Variants in ARHGAP32 observed in about 807,000 individuals in gnomAD.
ARHGAP32 encodes Rho GTPase activating protein 32.
In ARHGAP32, 51 loss-of-function variants were observed where a neutral mutation model predicts 186.5. That is an observed-to-expected ratio of 0.27 (90% CI 0.22 to 0.35). The LOEUF (loss-of-function observed/expected upper bound fraction) is 0.35. Among genes scored for constraint, ARHGAP32 ranks in the 10% least tolerant of loss-of-function variants. ARHGAP32 has a pLI of 1.00. For missense variants in ARHGAP32, 2,186 were observed against 2,623.5 expected, an observed-to-expected ratio of 0.83 and a Z score of 3.64; for synonymous variants, 950 against 964.3, an observed-to-expected ratio of 0.99 and a Z score of 0.27.
At chr11:129,016,573 C>A (rs1357776203) in intron 11 of ARHGAP32, among the ~76,000 whole-genome samples, 1 of 152,246 alleles carries the variant, frequency 6.6e-6, no homozygotes, top group East Asian at 1.9e-4. Flanking sequence ...GCATGTAAGA[C>A]GTCTGTTTCT....
At chr11:129,209,219 T>C (rs1944550328) in intron 1 of ARHGAP32, among the ~76,000 whole-genome samples, 1 of 152,152 alleles carries the variant, frequency 6.6e-6, no homozygotes. Flanking sequence ...AAATTATCTT[T>C]GAAAGTGTCA....
chr11:128,991,939 T>G (rs1946066826), intron 12 of ARHGAP32, among the ~76,000 whole-genome samples: 1 of 152,120 alleles, frequency 6.6e-6, no homozygotes, highest in South Asian at 2.1e-4. Context: ...GCTCACTCAC[T>G]CATCAATCAT....
chr11:129,058,230 C>G (rs1327444750), intron 10 of ARHGAP32, among the ~76,000 whole-genome samples: 2 of 137,704 alleles, frequency 1.5e-5, no homozygotes, highest in Non-Finnish European at 3.3e-5. Flanking sequence ...CACTCTCTCT[C>G]TCTCTCTCTA....
At chr11:129,091,662 G>A (rs1200834826) in intron 6 of ARHGAP32, among the ~76,000 whole-genome samples, 1 of 152,110 alleles carries the variant, frequency 6.6e-6, no homozygotes, top group African/African-American at 2.4e-5. Context: ...TTACATCAGT[G>A]TATAATGGTG....
At chr11:129,211,938 T>C (rs1944586888) in intron 1 of ARHGAP32, among the ~76,000 whole-genome samples, 2 of 152,078 alleles carry the variant, frequency 1.3e-5, no homozygotes, top group Non-Finnish European at 2.9e-5. Context: ...GAAGATCACT[T>C]GAGTCCAGGA....
At chr11:129,036,234 G>A (rs1007967243) in intron 11 of ARHGAP32, among the ~76,000 whole-genome samples, 1 of 151,930 alleles carries the variant, frequency 6.6e-6, no homozygotes, top group African/African-American at 2.4e-5. Flanking sequence ...CAAAAAGTTA[G>A]CCGGGCATGG....
chr11:129,165,576 T>C (rs1309152410), intron 1 of ARHGAP32, among the ~76,000 whole-genome samples: 1 of 147,476 alleles, frequency 6.8e-6, no homozygotes, highest in Non-Finnish European at 1.5e-5. Flanking sequence ...GTAAATATTA[T>C]GAGGCATGCT....
At chr11:128,993,147 T>G (rs1172093516) in intron 12 of ARHGAP32, 1 of 152,204 alleles carries the variant, frequency 6.6e-6, no homozygotes, top group African/African-American at 2.4e-5. Flanking sequence ...GAAAGTATAA[T>G]AAGATAATCT....
chr11:129,182,044 A>T (rs972434830), intron 1 of ARHGAP32, among the ~76,000 whole-genome samples: 6 of 152,114 alleles, frequency 3.9e-5, no homozygotes, highest in African/African-American at 1.4e-4. Context: ...ATTGTTGTAT[A>T]CCTTGTTTTC....
At chr11:129,236,853 T>C (rs1944943572) in intron 1 of ARHGAP32, among the ~76,000 whole-genome samples, 1 of 152,210 alleles carries the variant, frequency 6.6e-6, no homozygotes, top group Non-Finnish European at 1.5e-5. Flanking sequence ...GCTTTCAACA[T>C]TTCCCCATTC....
At chr11:129,110,963 G>A (rs552684309) in intron 5 of ARHGAP32, among the ~76,000 whole-genome samples, 10 of 152,066 alleles carry the variant, frequency 6.6e-5, no homozygotes, top group South Asian at 2.1e-4. Context: ...CCAATACTAC[G>A]TTGAACAGGA....
chr11:129,073,045 G>A (rs1302045135), intron 6 of ARHGAP32, among the ~76,000 whole-genome samples: 5 of 152,122 alleles, frequency 3.3e-5, no homozygotes, highest in South Asian at 4.1e-4. Flanking sequence ...TGAGATTCAC[G>A]TGTGAAGTTC....
At chr11:129,107,589 C>T (rs1443332555) in intron 5 of ARHGAP32, among the ~76,000 whole-genome samples, 1 of 152,176 alleles carries the variant, frequency 6.6e-6, no homozygotes, top group African/African-American at 2.4e-5. Context: ...AGATTTTGGG[C>T]CGGACGTGGT....
intron 10 of ARHGAP32, among the ~76,000 whole-genome samples, chr11:129,045,581 T>C (rs534749420): frequency 6.6e-6 from 1 of 152,346 alleles, no homozygotes; most frequent in Non-Finnish European, 1.5e-5. Context: ...ACACTTATAC[T>C]TTTCTAATGA....
Position 129,123,552 on chromosome 11 carries a change from A to G in ARHGAP32, c.360-22T>C, listed in dbSNP as rs751698847. Reference sequence around the variant, plus strand: ...TAACCTGAAACACATGAAATAAATAAGAAACGAGATAGTGAAACAGTAAAA... The same window carrying G: ...TAACCTGAAACACATGAAATAAATAGGAAACGAGATAGTGAAACAGTAAAA... On this transcript the variant is annotated intron_variant, in intron 4 of 22. Transcript: ENST00000682385. This position sits in a 1 kb window ranked among gnomAD's most constrained non-coding sequence, Gnocchi z 4.6. 6.9e-6 allele frequency: 11 copies of G among 1,596,220 alleles called. No homozygotes were observed. The Middle Eastern group carries it at 1.0e-3, about 145-fold the overall frequency.
chr11:129,193,702 AATATATATTATATATTATATATT>A (rs1324814528), upstream of ARHGAP32, among the ~76,000 whole-genome samples: 2 of 33,188 alleles, frequency 6.0e-5, 1 homozygote, highest in Non-Finnish European at 1.2e-4. Context: ...TATAATATAT[AATATATATTATATATTATATATT>A]ATATATAATA....
chr11:129,156,570 G>A (rs1048886227), intron 2 of ARHGAP32, among the ~76,000 whole-genome samples: 1 of 152,178 alleles, frequency 6.6e-6, no homozygotes, highest in Non-Finnish European at 1.5e-5. Context: ...AAAGGCAGCA[G>A]CCCCAGTCAG....
chr11:129,208,503 A>C (rs1223264690), intron 1 of ARHGAP32, among the ~76,000 whole-genome samples: 1 of 152,184 alleles, frequency 6.6e-6, no homozygotes, highest in Non-Finnish European at 1.5e-5. Flanking sequence ...CAGATCAAAC[A>C]ACAGTTAAGA....
Position 129,275,809 on chromosome 11 carries a change from C to G in ARHGAP32, c.-5+3337G>C, listed in dbSNP as rs140961420. On this transcript the variant is annotated intron_variant, in intron 1 of 6. Coordinates refer to the ARHGAP32 transcript ENST00000525234. ...TTATCCTTCTTTGGATTGTTTTCAA[C>G]CATTTAAAAATATAAAAATCATTCT... Among the ~76,000 whole-genome samples, 898 of 152,342 alleles carry G rather than the reference C, an allele frequency of 5.9e-3. 11 individuals carry two copies. The highest frequency in any genetic ancestry group is 0.02 in the African/African-American group (838 of 41,568).
Sources: allele counts gnomAD v4.1 joint callset (sites outside exome capture counted in the v4.1 genomes callset), GRCh38; gene constraint gnomAD v4.1.1; non-coding constraint Gnocchi (gnomAD v3.1); transcripts MANE v1.5; gene names NCBI Gene and HGNC (gene_info 2026-07-23, HGNC 2026-07-21).